FOCAD: variants seen among roughly 807,000 people sequenced by gnomAD.
FOCAD encodes focadhesin, also known as KIAA1797.
FOCAD carries 198 observed loss-of-function variants against 225.6 expected under a neutral mutation model. The observed-to-expected ratio is 0.88, with a 90% confidence interval of 0.78 to 0.99. The LOEUF (loss-of-function observed/expected upper bound fraction) is 0.99, where lower values mean the gene tolerates loss of function less well. FOCAD is among the 50% of genes least tolerant of loss of function. The pLI, the probability that FOCAD is intolerant of heterozygous loss-of-function variation, is 0.00. For missense variants in FOCAD, 2,713 were observed against 2,123.6 expected, an observed-to-expected ratio of 1.28 and a Z score of -5.46; for synonymous variants, 897 against 755.0, an observed-to-expected ratio of 1.19 and a Z score of -3.08.
At chr9:20,699,773 AATATATATATATATAT>A (rs1277614689) in intron 1 of FOCAD, among the ~76,000 whole-genome samples, 996 of 30,336 alleles carry the variant, frequency 0.033, 17 homozygotes, top group South Asian at 0.057. Context: ...AAAAAAAAAA[AATATATATATATATAT>A]ATATATATAT....
At chr9:20,924,024 A>G (rs1265242218) in intron 25 of FOCAD, among the ~76,000 whole-genome samples, 3 of 152,168 alleles carry the variant, frequency 2.0e-5, no homozygotes, top group African/African-American at 7.2e-5. Flanking sequence ...TCTTTTTGTG[A>G]TTACATCAAT....
chr9:20,862,645 T>A lies in FOCAD; in HGVS notation c.1988T>A (p.Ile663Asn). The A allele has an allele frequency of 6.2e-7, 1 of 1,613,718 alleles. No individual in the cohort carries two copies. Among genetic ancestry groups the A allele is most frequent in the Non-Finnish European group, 8.5e-7 (1 of 1,179,704 alleles). ...PKLSCDTRPL[I>N]LKTLSELFSL... ...CTGAGTTGTGACACAAGACCTCTCA[T>A]TCTGAAGACACTGAGTGAACTATTT... The change falls in exon 16 of 44, where the codon ATT (isoleucine) becomes AAT (asparagine). Residue 663 changes from isoleucine to asparagine, a missense_variant. Transcript: ENST00000338382.
intron 6 of FOCAD, among the ~76,000 whole-genome samples, chr9:20,762,254 A>G (rs950987728): frequency 6.6e-6 from 1 of 152,354 alleles, no homozygotes; most frequent in Admixed American, 6.5e-5. Flanking sequence ...TGTATTTCAT[A>G]CATACATTAT....
At chr9:20,923,584 C>A in intron 24 of FOCAD, 76 bp from the exon 25 acceptor site, 1 of 1,081,818 alleles carries the variant, frequency 9.2e-7, no homozygotes, top group Non-Finnish European at 1.4e-6. Flanking sequence ...ACTTCACCTG[C>A]CCTCCTATAT....
At chr9:20,794,025 A>C (rs1820811398) in intron 11 of FOCAD, among the ~76,000 whole-genome samples, 1 of 152,186 alleles carries the variant, frequency 6.6e-6, no homozygotes, top group Admixed American at 6.5e-5. Context: ...CAGCCCTTCA[A>C]ATCAAAGGCC....
intron 1 of FOCAD, among the ~76,000 whole-genome samples, chr9:20,702,178 C>A (rs1824011161): frequency 6.6e-6 from 1 of 152,096 alleles, no homozygotes; most frequent in Non-Finnish European, 1.5e-5. Flanking sequence ...TAATAGCTCA[C>A]TGTAGCCTTA....
intron 35 of FOCAD, among the ~76,000 whole-genome samples, chr9:20,953,785 A>G (rs893664918): frequency 6.6e-6 from 1 of 152,190 alleles, no homozygotes; most frequent in Non-Finnish European, 1.5e-5. Context: ...TGGGTTTGCT[A>G]ATTTTATTCT....
intron 26 of FOCAD, 37 bp downstream of exon 26, chr9:20,926,454 A>C (rs1221600943): frequency 7.7e-7 from 1 of 1,293,916 alleles, no homozygotes; most frequent in Non-Finnish European, 1.1e-6. Context: ...AGAAAACTCA[A>C]GAATTGACTC....
intron 1 of FOCAD, among the ~76,000 whole-genome samples, chr9:20,710,037 A>G (rs554239229): frequency 1.3e-5 from 2 of 152,194 alleles, no homozygotes; most frequent in Admixed American, 1.3e-4. Flanking sequence ...GAATTACAGC[A>G]TTCTGGGCCT....
chr9:20,901,689 C>T (rs992332800), intron 21 of FOCAD, among the ~76,000 whole-genome samples: 4 of 146,264 alleles, frequency 2.7e-5, no homozygotes, highest in African/African-American at 1.0e-4. Flanking sequence ...CCCATCATTC[C>T]CCTACAATTG....
At chr9:20,953,260 T>C (rs1271924147) in intron 35 of FOCAD, among the ~76,000 whole-genome samples, 195 bp downstream of exon 35, 1 of 152,178 alleles carries the variant, frequency 6.6e-6, no homozygotes, top group Non-Finnish European at 1.5e-5. Context: ...ATATACACAT[T>C]GTGTGGTTTC....
intron 6 of FOCAD, among the ~76,000 whole-genome samples, chr9:20,760,064 C>G (rs1470890945): frequency 9.9e-5 from 15 of 152,200 alleles, no homozygotes; most frequent in South Asian, 2.1e-4. Context: ...TGATGTGGCT[C>G]TTGCCACCTG....
chr9:20,794,350 T>C (rs1177825631), intron 11 of FOCAD, among the ~76,000 whole-genome samples: 1 of 152,166 alleles, frequency 6.6e-6, no homozygotes, highest in Non-Finnish European at 1.5e-5. Context: ...ATTGCCATAG[T>C]GTATATATGG....
At chr9:20,858,532 C>G (rs1428103097) in intron 15 of FOCAD, among the ~76,000 whole-genome samples, 1 of 151,910 alleles carries the variant, frequency 6.6e-6, no homozygotes, top group Non-Finnish European at 1.5e-5. Context: ...GTTGATTTTA[C>G]TCATCTTTTC....
chr9:20,760,812 A>G (rs1829524568), intron 6 of FOCAD, among the ~76,000 whole-genome samples: 1 of 152,126 alleles, frequency 6.6e-6, no homozygotes, highest in African/African-American at 2.4e-5. Context: ...TGCTTTATAA[A>G]TGTTGAATTT....
At chr9:20,905,438 T>A (rs899415493) in intron 21 of FOCAD, among the ~76,000 whole-genome samples, 1 of 152,022 alleles carries the variant, frequency 6.6e-6, no homozygotes, top group African/African-American at 2.4e-5. Context: ...AAATTGCTCT[T>A]TTTGCCAATT....
chr9:20,932,266 A>T (rs972321834), intron 27 of FOCAD, among the ~76,000 whole-genome samples: 2 of 152,144 alleles, frequency 1.3e-5, no homozygotes, highest in Non-Finnish European at 2.9e-5. Context: ...GAAAATGTTT[A>T]AAAAAGTGCT....
At chr9:20,698,370 A>G (rs985740520) in intron 1 of FOCAD, among the ~76,000 whole-genome samples, 2 of 151,958 alleles carry the variant, frequency 1.3e-5, no homozygotes, top group African/African-American at 4.8e-5. Flanking sequence ...GTGTATACAC[A>G]CACACACGCA....
intron 2 of FOCAD, chr9:20,658,882 C>A (rs1174808532): frequency 1.3e-5 from 2 of 152,430 alleles, no homozygotes; most frequent in African/African-American, 4.8e-5. Flanking sequence ...GCTGAAGTTC[C>A]AACCCCTAGT....
Sources: allele counts gnomAD v4.1 joint callset (sites outside exome capture counted in the v4.1 genomes callset), GRCh38; gene constraint gnomAD v4.1.1; transcripts MANE v1.5; gene names NCBI Gene and HGNC (gene_info 2026-07-23, HGNC 2026-07-21).